TOPAZ1: variants seen among roughly 807,000 people sequenced by gnomAD.
The protein encoded by TOPAZ1 is protein TOPAZ1.
Under a neutral mutation model 172.2 loss-of-function variants are expected in TOPAZ1, and 66 were observed. The observed-to-expected ratio is 0.38, with a 90% CI of 0.31 to 0.47. The LOEUF (loss-of-function observed/expected upper bound fraction) is 0.47. Ranked by LOEUF, TOPAZ1 falls within the 20% of genes least tolerant of loss-of-function variation. The pLI is 0.99. For missense variants in TOPAZ1, 1,822 were observed against 1,972.4 expected, an observed-to-expected ratio of 0.92 and a Z score of 1.44; for synonymous variants, 681 against 683.9, an observed-to-expected ratio of 1.00 and a Z score of 0.07.
At position 44,244,857 on chromosome 3, in the gene TOPAZ1, A is replaced by G. The variant is rs1699542923; in HGVS notation, c.2351A>G (p.Asn784Ser). 3 of 1,551,702 alleles carry G rather than the reference A, an allele frequency of 1.9e-6. No homozygotes were observed. Among genetic ancestry groups the G allele is most frequent in the Non-Finnish European group, 2.6e-6 (3 of 1,146,984 alleles). The change falls in exon 2 of 20, where the codon AAT (asparagine) becomes AGT (serine). Residue 784 changes from asparagine to serine, a missense_variant. Asn to Ser is a conservative substitution (Grantham distance 46, BLOSUM62 1). This residue lies in a region of TOPAZ1 where 1,489 missense variants were observed against 1,490.8 expected (regional missense o/e 1.00). Transcript: ENST00000309765. ...TKQGNNSKPSNHVSEPGNIVS... is the reference protein window; with the variant it reads ...TKQGNNSKPSSHVSEPGNIVS... Reference sequence around the variant, plus strand: ...CAAGGTAACAATAGCAAACCATCTAATCACGTCTCTGAACCAGGCAATATT... The same window carrying G: ...CAAGGTAACAATAGCAAACCATCTAGTCACGTCTCTGAACCAGGCAATATT...
downstream of TOPAZ1, among the ~76,000 whole-genome samples, chr3:44,335,907 C>T (rs1700719329): frequency 6.6e-6 from 1 of 152,132 alleles, no homozygotes; most frequent in Admixed American, 6.5e-5. Flanking sequence ...CAGCCTTACC[C>T]AAAAATGACT....
intron 8 of TOPAZ1, among the ~76,000 whole-genome samples, chr3:44,280,406 G>A (rs1180172846): frequency 1.3e-5 from 2 of 150,018 alleles, no homozygotes; most frequent in Non-Finnish European, 3.0e-5. Flanking sequence ...CTGGAGTGCA[G>A]TGGTGTGATC....
At position 44,243,096 on chromosome 3, in the gene TOPAZ1, A is replaced by C; in HGVS notation, c.590A>C (p.Glu197Ala). The change falls in exon 2 of 20, where the codon GAA becomes GCA. Residue 197 changes from glutamate (E) to alanine (A), a missense_variant. Glu to Ala is a moderately radical substitution (Grantham distance 107, BLOSUM62 -1). This residue lies in a region of TOPAZ1 where 1,489 missense variants were observed against 1,490.8 expected (regional missense o/e 1.00). Transcript: ENST00000309765. ...ENEATQNIKV[E>A]FQDELYKNTP... ...GAGGCTACACAAAATATTAAGGTTG[A>C]ATTCCAAGATGAACTGTACAAGAAT... 1 of 1,548,086 alleles carries C rather than the reference A, an allele frequency of 6.5e-7. No homozygotes were observed. Among genetic ancestry groups the C allele is most frequent in the Non-Finnish European group, 8.7e-7 (1 of 1,145,698 alleles).
chr3:44,300,656 G>A (rs1428663007), intron 12 of TOPAZ1, among the ~76,000 whole-genome samples: 1 of 152,018 alleles, frequency 6.6e-6, no homozygotes, highest in Non-Finnish European at 1.5e-5. Context: ...TGGATCATAT[G>A]CTGTTAGTGA....
At chr3:44,248,445 CTT>C (rs1365438529) in intron 2 of TOPAZ1, among the ~76,000 whole-genome samples, 2 of 152,058 alleles carry the variant, frequency 1.3e-5, no homozygotes, top group African/African-American at 4.8e-5. Context: ...TTTAAACAAA[CTT>C]AAACATTTTC....
intron 8 of TOPAZ1, among the ~76,000 whole-genome samples, chr3:44,275,949 T>C (rs1699950184): frequency 6.6e-6 from 1 of 152,122 alleles, no homozygotes; most frequent in Non-Finnish European, 1.5e-5. Context: ...CCCTGATATG[T>C]AGTAATGTTG....
At chr3:44,242,540 T>A (rs1208286639) in intron 1 of TOPAZ1, 141 bp downstream of exon 1, 18 of 982,148 alleles carry the variant, frequency 1.8e-5, no homozygotes, top group Non-Finnish European at 2.6e-5. Context: ...AAAAATGGAT[T>A]TCCTTAAAAG....
intron 15 of TOPAZ1, among the ~76,000 whole-genome samples, chr3:44,308,759 ATTATT>A (rs1429290539): frequency 6.6e-6 from 1 of 152,144 alleles, no homozygotes; most frequent in Non-Finnish European, 1.5e-5. Context: ...ACTTTAGAAA[ATTATT>A]TTATTACATA....
chr3:44,292,304 G>A (rs1161899996), intron 12 of TOPAZ1, among the ~76,000 whole-genome samples: 6 of 152,146 alleles, frequency 3.9e-5, no homozygotes, highest in Non-Finnish European at 1.5e-5. Context: ...TTTTTGTAAG[G>A]AAAGTATAAT....
At chr3:44,335,744 A>C (rs1206845198), downstream of TOPAZ1, among the ~76,000 whole-genome samples, 1 of 152,220 alleles carries the variant, frequency 6.6e-6, no homozygotes, top group Admixed American at 6.5e-5. Flanking sequence ...GGTAGGGCTG[A>C]GGTCAGGGCT....
intron 2 of TOPAZ1, among the ~76,000 whole-genome samples, chr3:44,252,677 C>T (rs555091833): frequency 6.6e-6 from 1 of 152,298 alleles, no homozygotes; most frequent in East Asian, 1.9e-4. Context: ...TTCAGTTATC[C>T]GTCAGTCACA....
chr3:44,265,989 T>A (rs565796709), intron 5 of TOPAZ1, among the ~76,000 whole-genome samples: 1 of 152,350 alleles, frequency 6.6e-6, no homozygotes, highest in East Asian at 1.9e-4. Flanking sequence ...GTAGCTTCCT[T>A]CATCAGTTAT....
Position 44,328,387 on chromosome 3 carries a change from C to A in TOPAZ1, c.4813C>A (p.Gln1605Lys). The A allele has an allele frequency of 6.6e-7, 1 of 1,522,916 alleles. No individual in the cohort carries two copies. 94.3% of individuals were successfully genotyped at this position (1,522,916 alleles called of 1,614,324 possible). A position where few individuals can be genotyped will look rare whatever the true frequency, so the allele number is the denominator to read the frequency against. ...IFMVSNASSI[Q>K]SPGTSTQILQ... ...CATGGTATCTAATGCTAGTAGTATT[C>A]AGAGTCCTGGAACTTCTACACAGAT... Residue 1605 changes from glutamine (Q) to lysine (K), a missense_variant, in exon 19 of 20, where the codon CAG (glutamine) becomes AAG (lysine). Physicochemically the swap from Gln to Lys is moderately conservative, Grantham distance 53. Coordinates refer to ENST00000309765, the MANE Select transcript of TOPAZ1 (RefSeq NM_001145030.2).
chr3:44,301,906 A>T (rs1700276249), intron 12 of TOPAZ1, among the ~76,000 whole-genome samples: 1 of 152,100 alleles, frequency 6.6e-6, no homozygotes, highest in Admixed American at 6.5e-5. Context: ...AGTCAAGGTT[A>T]TGTTTTATTG....
chr3:44,325,335 AT>A (rs1393783333), intron 18 of TOPAZ1, among the ~76,000 whole-genome samples: 2 of 152,068 alleles, frequency 1.3e-5, no homozygotes, highest in African/African-American at 4.8e-5. Flanking sequence ...TTGTTTTAAT[AT>A]TTTTATGGCT....
At chr3:44,323,563 C>CA (rs1419659838) in intron 18 of TOPAZ1, among the ~76,000 whole-genome samples, 1 of 152,152 alleles carries the variant, frequency 6.6e-6, no homozygotes, top group Non-Finnish European at 1.5e-5. Context: ...GCAAAGGGAA[C>CA]AAATGACAGG....
In TOPAZ1 at chr3:44,242,317, G is replaced by C; in HGVS notation, c.264G>C (p.Pro88=). ...GTCAGGTGGAGGGGCGCAGGGGCCC[G>C]GTGAGCCCGTCAGACTCGTCAGACC... ...ARRQVEGRRG[P]VSPSDSSDPR... is the part of the protein sequence containing the mutation. Residue 88 remains proline, a synonymous_variant, in exon 1 of 20, where the codon CCG becomes CCC. Transcript: ENST00000309765. 1 of 1,552,158 alleles carries C rather than the reference G, an allele frequency of 6.4e-7. No individual in the cohort carries two copies.
intron 17 of TOPAZ1, among the ~76,000 whole-genome samples, chr3:44,322,734 C>T (rs927637344): frequency 6.6e-6 from 1 of 152,008 alleles, no homozygotes; most frequent in South Asian, 2.1e-4. Context: ...CTAGTCTGGG[C>T]AACATGGTGA....
intron 16 of TOPAZ1, among the ~76,000 whole-genome samples, chr3:44,312,006 C>CA (rs1700402128): frequency 6.6e-6 from 1 of 151,706 alleles, no homozygotes; most frequent in Non-Finnish European, 1.5e-5. Context: ...AATTCCATTT[C>CA]TAAGAATTTG....
Sources: gnomAD v4.1 joint callset for allele counts (sites outside exome capture counted in the v4.1 genomes callset) on GRCh38, gnomAD v4.1.1 for gene constraint, gnomAD v4.1.1 regional missense constraint, MANE v1.5 for transcripts, NCBI Gene and HGNC (gene_info 2026-07-23, HGNC 2026-07-21) for gene names.